NPHP4: variants seen among roughly 807,000 people sequenced by gnomAD.
The protein encoded by NPHP4 is nephrocystin 4.
In NPHP4, 151 loss-of-function variants were observed where a neutral mutation model predicts 155.8. That is an observed-to-expected ratio of 0.97 (90% CI 0.85 to 1.11). The LOEUF (loss-of-function observed/expected upper bound fraction) is 1.11. Among genes scored for constraint, NPHP4 ranks in the 50% least tolerant of loss-of-function variants. NPHP4 has a pLI of 0.00. For missense variants in NPHP4, 1,956 were observed against 1,925.7 expected (o/e 1.02, Z -0.29); for synonymous variants, 845 against 816.8 (o/e 1.03, Z -0.59).
intron 5 of NPHP4, among the ~76,000 whole-genome samples, chr1:5,963,423 T>A (rs1479541821): frequency 1.3e-5 from 2 of 151,632 alleles, no homozygotes; most frequent in Admixed American, 1.3e-4. Context: ...GGTGAAACAC[T>A]GTATTTTTTT....
Position 5,863,899 on chromosome 1 carries a change from G to C in NPHP4, c.4131C>G (p.Asp1377Glu). 1 of 1,613,914 alleles carries C rather than the reference G, an allele frequency of 6.2e-7. No homozygotes were observed. Among genetic ancestry groups the C allele is most frequent in the Non-Finnish European group, 8.5e-7 (1 of 1,179,884 alleles). The change falls in exon 29 of 30, where the codon GAC becomes GAG. Residue 1377 changes from aspartate to glutamate, a missense_variant. Asp to Glu is a conservative substitution (Grantham distance 45). Coordinates refer to ENST00000378156, the MANE Select transcript of NPHP4 (RefSeq NM_015102.5). ...DHPELLRFRE[D>E]SFQVGGGETY... ...CACAGCCCCACCACACCTGGAAGGA[G>C]TCCTCTCTGAACCGCAGCAGCTCCG...
intron 16 of NPHP4, among the ~76,000 whole-genome samples, chr1:5,899,151 T>TGCTC (rs1412627662): frequency 5.9e-5 from 9 of 152,176 alleles, no homozygotes; most frequent in Non-Finnish European, 1.0e-4. Context: ...CAACAGGTGC[T>TGCTC]GCTCCACAAC....
chr1:5,901,308 T>C (rs1414843388), intron 16 of NPHP4, among the ~76,000 whole-genome samples: 1 of 152,230 alleles, frequency 6.6e-6, no homozygotes, highest in Non-Finnish European at 1.5e-5. Context: ...AGAGGCTCAG[T>C]CCTGAACTGA....
At chr1:5,864,979 C>G in intron 27 of NPHP4, 123 bp downstream of exon 27, 1 of 932,708 alleles carries the variant, frequency 1.1e-6, no homozygotes, top group Non-Finnish European at 1.7e-6. Flanking sequence ...ACAGCGTCTG[C>G]GCGCTGGAGG....
chr1:5,965,962 T>C (rs1651429332), intron 5 of NPHP4, among the ~76,000 whole-genome samples: 1 of 152,108 alleles, frequency 6.6e-6, no homozygotes, highest in Admixed American at 6.6e-5. Flanking sequence ...GCTTCTCTCA[T>C]AAACACGCAG....
intron 16 of NPHP4, among the ~76,000 whole-genome samples, chr1:5,901,038 T>G (rs963148489): frequency 1.3e-5 from 2 of 148,884 alleles, no homozygotes; most frequent in African/African-American, 2.5e-5. Context: ...CTGTCTCAAA[T>G]AAAACCCAAA....
chr1:5,958,015 TTTG>T (rs1352989728), intron 6 of NPHP4, among the ~76,000 whole-genome samples: 5 of 152,196 alleles, frequency 3.3e-5, no homozygotes, highest in African/African-American at 1.2e-4. Flanking sequence ...TCAATAAATA[TTTG>T]TTGAATAAAT....
At chr1:5,953,240 C>A (rs6691632) in intron 6 of NPHP4, among the ~76,000 whole-genome samples, 2,279 of 152,222 alleles carry the variant, frequency 0.015, 56 homozygotes, top group African/African-American at 0.052. Context: ...CAAGTAGCTG[C>A]GATTACAGGT....
chr1:5,975,118 A>G (rs1435398848), intron 3 of NPHP4, among the ~76,000 whole-genome samples: 1 of 152,178 alleles, frequency 6.6e-6, no homozygotes, highest in Non-Finnish European at 1.5e-5. Flanking sequence ...CCACACCCTC[A>G]TGCCTAAGAA....
At chr1:5,924,096 A>G (rs972913325) in intron 11 of NPHP4, among the ~76,000 whole-genome samples, 8 of 152,244 alleles carry the variant, frequency 5.3e-5, no homozygotes, top group Non-Finnish European at 7.3e-5. Flanking sequence ...TCTGAGATGA[A>G]AAGTATACTG....
At chr1:5,895,852 G>A (rs1332603004) in intron 16 of NPHP4, among the ~76,000 whole-genome samples, 3 of 152,190 alleles carry the variant, frequency 2.0e-5, no homozygotes, top group Non-Finnish European at 4.4e-5. Flanking sequence ...TGCGGCTACC[G>A]TAGAAACGGG....
intron 11 of NPHP4, among the ~76,000 whole-genome samples, chr1:5,925,089 T>C (rs956674289): frequency 4.9e-4 from 74 of 152,372 alleles, no homozygotes; most frequent in African/African-American, 1.6e-3. Flanking sequence ...TATTATGTAT[T>C]ACTACTGTAC....
chr1:5,872,433 C>G (rs1318719248), intron 23 of NPHP4, among the ~76,000 whole-genome samples: 1 of 152,234 alleles, frequency 6.6e-6, no homozygotes, highest in African/African-American at 2.4e-5. Context: ...ATGGCTGGGA[C>G]TTCCCACTCA....
intron 18 of NPHP4, chr1:5,880,572 A>C: frequency 6.2e-6 from 2 of 323,638 alleles, no homozygotes; most frequent in African/African-American, 2.1e-5. Flanking sequence ...TGCCTCACAA[A>C]CTCTAACCTC....
At chr1:5,891,164 C>T (rs1644106039) in intron 16 of NPHP4, 136 bp from the exon 17 acceptor site, 2 of 515,308 alleles carry the variant, frequency 3.9e-6, no homozygotes, top group Non-Finnish European at 6.6e-6. Context: ...ACACATTAAT[C>T]AAAAACATCA....
intron 10 of NPHP4, among the ~76,000 whole-genome samples, chr1:5,931,561 C>T (rs1277798726): frequency 9.2e-5 from 14 of 151,702 alleles, no homozygotes; most frequent in Admixed American, 8.5e-4. Flanking sequence ...TGATGAAACC[C>T]CATCTCTACT....
intron 19 of NPHP4, among the ~76,000 whole-genome samples, chr1:5,879,831 GCAAA>G (rs1643056449): frequency 2.3e-5 from 2 of 87,714 alleles, no homozygotes; most frequent in Non-Finnish European, 4.8e-5. Context: ...ACACACACAC[GCAAA>G]CACACACAGA....
chr1:5,873,371 C>A (rs1210773267), intron 22 of NPHP4, 36 bp from the exon 23 acceptor site: 1 of 1,561,814 alleles, frequency 6.4e-7, no homozygotes, highest in Non-Finnish European at 8.8e-7. Flanking sequence ...GGTCAGGAAG[C>A]AACACCATTA....
intron 2 of NPHP4, among the ~76,000 whole-genome samples, chr1:5,979,923 C>G (rs947263684): frequency 3.3e-5 from 5 of 152,080 alleles, no homozygotes; most frequent in Admixed American, 2.6e-4. Flanking sequence ...AATGGCAGGC[C>G]TATCAGAATG....
Sources: gnomAD v4.1 joint callset for allele counts (sites outside exome capture counted in the v4.1 genomes callset) on GRCh38, gnomAD v4.1.1 for gene constraint, MANE v1.5 for transcripts, NCBI Gene and HGNC (gene_info 2026-07-23, HGNC 2026-07-21) for gene names.